Variants in ACSS3 observed in about 807,000 individuals in gnomAD.
ACSS3 encodes acyl-CoA synthetase short chain family member 3, also known as acyl-CoA synthetase short-chain family member 3, mitochondrial.
Under a neutral mutation model 84.2 loss-of-function variants are expected in ACSS3, and 64 were observed. The ratio of observed to expected loss-of-function variants is 0.76; its 90% CI spans 0.62 to 0.94. ACSS3 has a LOEUF of 0.94. Ranked by LOEUF, ACSS3 falls within the 40% of genes least tolerant of loss-of-function variation. The pLI is 0.00. For missense variants in ACSS3, 815 were observed against 867.6 expected (o/e 0.94, Z 0.76); for synonymous variants, 317 against 310.1 (o/e 1.02, Z -0.23).
chr12:81,145,514 T>A (rs1482283734), intron 5 of ACSS3, among the ~76,000 whole-genome samples: 2 of 152,084 alleles, frequency 1.3e-5, no homozygotes, highest in East Asian at 3.9e-4. Flanking sequence ...GGTGATCCTT[T>A]AGTTGGGAAG....
intron 9 of ACSS3, among the ~76,000 whole-genome samples, chr12:81,213,957 C>CTCTTTCTTTCTT (rs59556127): frequency 0.11 from 5,520 of 48,794 alleles, 420 homozygotes; most frequent in East Asian, 0.22. Context: ...CTCCCTCTCT[C>CTCTTTCTTTCTT]TCTTTCTTTC....
intron 8 of ACSS3, among the ~76,000 whole-genome samples, chr12:81,191,127 G>T: frequency 6.6e-6 from 1 of 151,818 alleles, no homozygotes; most frequent in Non-Finnish European, 1.5e-5. Flanking sequence ...CCCCTACTAT[G>T]AACATCTCAC....
chr12:81,217,069 G>T (rs2032946777), intron 10 of ACSS3, 73 bp downstream of exon 10: 3 of 1,206,310 alleles, frequency 2.5e-6, no homozygotes, highest in Non-Finnish European at 3.6e-6. Flanking sequence ...GTATTATGTT[G>T]CATGAAACAA....
At chr12:81,195,354 G>A (rs1295437542) in intron 8 of ACSS3, among the ~76,000 whole-genome samples, 1 of 151,790 alleles carries the variant, frequency 6.6e-6, no homozygotes, top group Non-Finnish European at 1.5e-5. Context: ...AGCATTTAAA[G>A]TTATAGGTAT....
At chr12:81,126,572 A>G (rs185771652) in intron 2 of ACSS3, among the ~76,000 whole-genome samples, 5 of 135,850 alleles carry the variant, frequency 3.7e-5, no homozygotes, top group African/African-American at 1.3e-4. Flanking sequence ...AAATTTTAAC[A>G]TAAGTATCAA....
chr12:81,172,604 C>G (rs1356912455), intron 7 of ACSS3, among the ~76,000 whole-genome samples: 1 of 152,100 alleles, frequency 6.6e-6, no homozygotes, highest in Admixed American at 6.5e-5. Context: ...CCACTGCACT[C>G]CAGCCTCCAC....
At chr12:81,207,198 G>A (rs2032384133) in intron 9 of ACSS3, among the ~76,000 whole-genome samples, 1 of 152,128 alleles carries the variant, frequency 6.6e-6, no homozygotes, top group Non-Finnish European at 1.5e-5. Flanking sequence ...ATCTTCACAA[G>A]AGCAAGAGTT....
intron 13 of ACSS3, among the ~76,000 whole-genome samples, chr12:81,238,332 T>C (rs536608045): frequency 2.4e-4 from 37 of 151,900 alleles, no homozygotes; most frequent in African/African-American, 8.7e-4. Flanking sequence ...TTCTAACTTA[T>C]TCTATGGGGC....
chr12:81,116,302 A>T (rs966316465), intron 2 of ACSS3, among the ~76,000 whole-genome samples: 1 of 152,074 alleles, frequency 6.6e-6, no homozygotes, highest in African/African-American at 2.4e-5. Context: ...TTTTAATAGA[A>T]AGTATAGGGA....
At chr12:81,153,811 G>T (rs372485553) in intron 7 of ACSS3, among the ~76,000 whole-genome samples, 2 of 152,164 alleles carry the variant, frequency 1.3e-5, no homozygotes, top group Non-Finnish European at 2.9e-5. Context: ...AATACTCCAG[G>T]CCTCATCATC....
rs1360161197 is a variant in ACSS3, at chr12:81,146,976, A to AT, written c.921+3730dup. Among the ~76,000 whole-genome samples the AT allele has an allele frequency of 9.2e-5, 14 of 152,204 alleles. No homozygotes were observed. The East Asian group carries it at 2.7e-3, about 29-fold the overall frequency. ...GTGGTAGATAAGGCCTTTTGTCCTG[A>AT]TGGGCACTTACTTCCTGCCCCAGAA... On this transcript the variant is annotated intron_variant, in intron 5 of 15. Coordinates refer to ENST00000548058, the MANE Select transcript of ACSS3 (RefSeq NM_024560.4).
chr12:81,097,093 A>G (rs1882118910), intron 1 of ACSS3, among the ~76,000 whole-genome samples: 1 of 152,154 alleles, frequency 6.6e-6, no homozygotes, highest in Admixed American at 6.5e-5. Flanking sequence ...TATTTTAGTT[A>G]ATTTAAATTT....
intron 10 of ACSS3, among the ~76,000 whole-genome samples, chr12:81,218,562 A>G (rs2033001757): frequency 6.6e-6 from 1 of 152,178 alleles, no homozygotes. Context: ...TATTCTGTGA[A>G]GTCAGTGACT....
chr12:81,247,085 T>G lies in ACSS3; in HGVS notation c.1720-6222T>G, dbSNP rs12311789. Reference sequence around the variant, plus strand: ...CTTTATATTTTAGAACATTTCACCTTTGTGTGCTATTATAATATTATCTTG... The same window carrying G: ...CTTTATATTTTAGAACATTTCACCTGTGTGTGCTATTATAATATTATCTTG... On this transcript the variant is annotated intron_variant, in intron 13 of 15. Coordinates refer to ENST00000548058, the MANE Select transcript of ACSS3 (RefSeq NM_024560.4). 1.8e-3 allele frequency among the ~76,000 whole-genome samples: 268 copies of G among 152,188 alleles called. 2 individuals carry two copies. Among genetic ancestry groups the G allele is most frequent in the African/African-American group, 6.0e-3 (248 of 41,548 alleles).
chr12:81,100,239 T>TTTTTTG (rs60091292), intron 1 of ACSS3, among the ~76,000 whole-genome samples: 1 of 118,764 alleles, frequency 8.4e-6, no homozygotes. Context: ...TTTTTTTTTT[T>TTTTTTG]GAGATGGGGT....
chr12:81,218,462 T>G (rs1366289179), intron 10 of ACSS3, among the ~76,000 whole-genome samples: 1 of 152,208 alleles, frequency 6.6e-6, no homozygotes, highest in Non-Finnish European at 1.5e-5. Flanking sequence ...CAATGGCTAG[T>G]TACAAAAACG....
chr12:81,139,641 TG>T (rs1565999444), intron 4 of ACSS3, among the ~76,000 whole-genome samples: 2 of 84,436 alleles, frequency 2.4e-5, no homozygotes, highest in Non-Finnish European at 3.3e-5. Context: ...TAATAATTAT[TG>T]TTATTTTTTT....
Position 81,151,931 on chromosome 12 carries a change from G to A in ACSS3, c.1002+7G>A, listed in dbSNP as rs750451573. On this transcript the variant is annotated splice_region_variant and intron_variant, in intron 6 of 15. Transcript: ENST00000548058. ...CGGACTTCAACCCGGAGAGGTAATCGTGGTTTTAAATTTACATTACATGAC... is the reference window on the plus strand; with the variant it reads ...CGGACTTCAACCCGGAGAGGTAATCATGGTTTTAAATTTACATTACATGAC... The A allele has an allele frequency of 1.1e-5, 17 of 1,613,548 alleles. No homozygotes were observed. The African/African-American group carries it at 1.2e-4, about 11-fold the overall frequency.
At chr12:81,134,443 T>C (rs1207553790) in intron 2 of ACSS3, among the ~76,000 whole-genome samples, 1 of 152,154 alleles carries the variant, frequency 6.6e-6, no homozygotes, top group African/African-American at 2.4e-5. Context: ...GATTCACCTT[T>C]TGCAATACAT....
Sources: gnomAD v4.1 joint callset for allele counts (sites outside exome capture counted in the v4.1 genomes callset) on GRCh38, gnomAD v4.1.1 for gene constraint, MANE v1.5 for transcripts, NCBI Gene and HGNC (gene_info 2026-07-23, HGNC 2026-07-21) for gene names.